The following TMEM59L variants were observed in gnomAD, a reference collection of about 807,000 sequenced individuals.
TMEM59L encodes the protein transmembrane protein 59-like.
Under a neutral mutation model 39.6 loss-of-function variants are expected in TMEM59L, and 31 were observed. That is an observed-to-expected ratio of 0.78 (90% CI 0.59 to 1.06). The LOEUF (loss-of-function observed/expected upper bound fraction) is 1.06, where lower values mean the gene tolerates loss of function less well. Among genes scored for constraint, TMEM59L ranks in the 50% least tolerant of loss-of-function variants. TMEM59L has a pLI of 0.00. For synonymous variants in TMEM59L, 219 were observed against 202.9 expected (o/e 1.08, Z -0.68); for missense variants, 441 against 451.3 (o/e 0.98, Z 0.21).
In TMEM59L at chr19:18,614,207, A is replaced by C; in HGVS notation, c.408+12A>C. 2 of 1,580,598 alleles carry C rather than the reference A, an allele frequency of 1.3e-6. No homozygotes were observed. The highest frequency in any genetic ancestry group is 1.7e-6 in the Non-Finnish European group (2 of 1,166,426). ...AGCCGGAGCAGAAGGTGGGCCTCCC[A>C]CTGCGGCCTGGGGTCCCTTTTCCCA... On this transcript the variant is annotated intron_variant, in intron 3 of 7. Transcript: ENST00000262817.
chr19:18,616,842 G>A (rs1242098617), intron 4 of TMEM59L, among the ~76,000 whole-genome samples, 158 bp from the exon 5 acceptor site: 1 of 152,212 alleles, frequency 6.6e-6, no homozygotes, highest in Non-Finnish European at 1.5e-5. Context: ...AGGAGCCCAT[G>A]AAAGCAGAAA....
chr19:18,618,524 A>T lies in TMEM59L; in HGVS notation c.900+32A>T, dbSNP rs964146212. 5.1e-6 allele frequency: 8 copies of T among 1,581,430 alleles called. No individual in the cohort carries two copies. The Admixed American group carries it at 1.1e-4, about 21-fold the overall frequency. On this transcript the variant is annotated intron_variant, in intron 7 of 7. Transcript: ENST00000262817. The stretch of plus-strand genomic sequence containing the variant: ...GGGATCTGTGAATGGCGCTGGGCCG[A>T]GGGAGGGGGTGAAGGCAGAGAGAGC...
At chr19:18,615,477 TC>T (rs935415493) in intron 3 of TMEM59L, among the ~76,000 whole-genome samples, 4 of 152,318 alleles carry the variant, frequency 2.6e-5, no homozygotes, top group Non-Finnish European at 5.9e-5. Context: ...ACAATCCACT[TC>T]CCTAAGGGTA....
At chr19:18,617,603 C>T (rs145078020) in intron 5 of TMEM59L, 8 of 456,444 alleles carry the variant, frequency 1.8e-5, no homozygotes, top group African/African-American at 6.0e-5. Flanking sequence ...TCCTAGGGTC[C>T]ATCTCCAAGG....
intron 7 of TMEM59L, among the ~76,000 whole-genome samples, chr19:18,619,218 G>T (rs1306517217): frequency 2.0e-5 from 3 of 152,128 alleles, no homozygotes; most frequent in Non-Finnish European, 4.4e-5. Context: ...GAACTCCTGG[G>T]CTCAAGTGAT....
chr19:18,619,459 C>T (rs1976469573), intron 7 of TMEM59L, among the ~76,000 whole-genome samples: 1 of 152,168 alleles, frequency 6.6e-6, no homozygotes, highest in Non-Finnish European at 1.5e-5. Flanking sequence ...CTCTGTGGTG[C>T]CCAGAGCCTG....
rs905445921 is a variant in TMEM59L, at chr19:18,616,934, G to A, written c.562-66G>A. The A allele has an allele frequency of 3.9e-6, 5 of 1,266,110 alleles. No individual in the cohort carries two copies. In the African/African-American group the frequency reaches 4.4e-5, roughly 11 times the overall value. 78.4% of individuals were successfully genotyped at this position (1,266,110 alleles called of 1,614,324 possible). A position where few individuals can be genotyped will look rare whatever the true frequency, so the allele number is the denominator to read the frequency against. On this transcript the variant is annotated intron_variant, in intron 4 of 7. Coordinates refer to ENST00000262817, the MANE Select transcript of TMEM59L (RefSeq NM_012109.3). Reference sequence around the variant, plus strand: ...GGGCGTGGGACATGGCAGTCACAGAGGGCCTGCCTGGGCCCAGGGGTGCTG... The same window carrying A: ...GGGCGTGGGACATGGCAGTCACAGAAGGCCTGCCTGGGCCCAGGGGTGCTG...
chr19:18,617,016 A>C lies in TMEM59L; in HGVS notation c.578A>C (p.Glu193Ala). The C allele has an allele frequency of 1.2e-6, 2 of 1,611,558 alleles. No homozygotes were observed. The highest frequency in any genetic ancestry group is 1.7e-6 in the Non-Finnish European group (2 of 1,178,848). The change falls in exon 5 of 8, where the codon GAG (glutamate) becomes GCG (alanine). Residue 193 changes from glutamate (E) to alanine (A), a missense_variant. Coordinates refer to ENST00000262817, the MANE Select transcript of TMEM59L (RefSeq NM_012109.3). ...CTGGCCCAGACTCAGCCCATAGTGG[A>C]GAGCCTCGGCTTCCAGGGGGGCCGT... ...VVVFQTQPIV[E>A]SLGFQGGRLQ...
chr19:18,619,916 T>C (rs1976475493), intron 7 of TMEM59L, among the ~76,000 whole-genome samples: 1 of 151,122 alleles, frequency 6.6e-6, no homozygotes, highest in Non-Finnish European at 1.5e-5. Context: ...AGTTCGAAGC[T>C]GCAGTGAGCT....
At chr19:18,619,973 T>A (rs1600668271) in intron 7 of TMEM59L, among the ~76,000 whole-genome samples, 2 of 116,808 alleles carry the variant, frequency 1.7e-5, no homozygotes, top group Admixed American at 8.9e-5. Context: ...GAAGACCCCA[T>A]CACACACACA....
In TMEM59L at chr19:18,614,878, C is replaced by A. The variant is rs188457649; in HGVS notation, c.408+683C>A. Among the ~76,000 whole-genome samples the A allele has an allele frequency of 8.7e-4, 133 of 152,332 alleles. 2 individuals are homozygous for A. Among genetic ancestry groups the A allele is most frequent in the African/African-American group, 3.0e-3 (125 of 41,570 alleles). The stretch of plus-strand genomic sequence containing the variant: ...CTAGGGGCTGGGACTCCCCAGAAAG[C>A]CCTTTCCCCACTTCCCCCATTTTCC... On this transcript the variant is annotated intron_variant, in intron 3 of 7. Transcript: ENST00000262817.
rs533461655 is a variant in TMEM59L, at chr19:18,618,380, C to T, written c.788C>T (p.Ser263Leu). The T allele has an allele frequency of 7.7e-5, 123 of 1,604,774 alleles. 1 individual carries two copies. In the South Asian group the frequency reaches 1.1e-3, roughly 14 times the overall value. ...GTGCCTGCCGGGCGGGGCAGGCGCT[C>T]GGGTCTGCCTCGCTGGATCCTGGCC... ...NDFLSCMSRR[S>L]GLPRWILACC... Residue 263 changes from serine (S) to leucine (L), a missense_variant, in exon 7 of 8, where the codon TCG becomes TTG. Coordinates refer to ENST00000262817, the MANE Select transcript of TMEM59L (RefSeq NM_012109.3).
Position 18,620,482 on chromosome 19 carries a change from C to G in TMEM59L, c.975C>G (p.Ala325=), listed in dbSNP as rs1334622588. The change falls in exon 8 of 8, where the codon GCC becomes GCG. Residue 325 remains alanine, a synonymous_variant. Transcript: ENST00000262817. ...DWPLYPPPSH[A]CEDSLPPYKL... is the part of the protein sequence containing the mutation. ...CCCTGTACCCGCCGCCGTCCCACGC[C>G]TGTGAGGACAGCCTACCACCCTACA... The G allele has an allele frequency of 7.4e-6, 12 of 1,613,870 alleles. No individual in the cohort carries two copies. Among genetic ancestry groups the G allele is most frequent in the Non-Finnish European group, 1.0e-5 (12 of 1,179,996 alleles).
At chr19:18,620,315 AT>A (rs1460435674) in intron 7 of TMEM59L, 92 bp from the exon 8 acceptor site, 7 of 1,324,784 alleles carry the variant, frequency 5.3e-6, no homozygotes, top group African/African-American at 1.5e-5. Flanking sequence ...AAGAAAAAAA[AT>A]AAAACAATCA....
intron 5 of TMEM59L, 41 bp downstream of exon 5, chr19:18,617,143 C>T: frequency 1.3e-6 from 2 of 1,496,664 alleles, no homozygotes; most frequent in Non-Finnish European, 1.9e-6. Flanking sequence ...CATGGGTGGC[C>T]CCACTGCCAC....
intron 4 of TMEM59L, among the ~76,000 whole-genome samples, chr19:18,616,707 A>G (rs1348072906): frequency 6.6e-6 from 1 of 152,122 alleles, no homozygotes; most frequent in Non-Finnish European, 1.5e-5. Flanking sequence ...TGGGGTTTTA[A>G]CTGAGCTGGG....
At chr19:18,613,478 A>G (rs1371041380) in intron 1 of TMEM59L, among the ~76,000 whole-genome samples, 1 of 114,674 alleles carries the variant, frequency 8.7e-6, no homozygotes. Context: ...TTCCCTCCCC[A>G]CTCAGAGCTA....
At chr19:18,619,875 A>T (rs1002975242) in intron 7 of TMEM59L, among the ~76,000 whole-genome samples, 11 of 151,582 alleles carry the variant, frequency 7.3e-5, no homozygotes, top group African/African-American at 2.7e-4. Context: ...CTACTTAGGA[A>T]GCTGAGGTGG....
chr19:18,618,646 CGTGTGTGT>C (rs10580494), intron 7 of TMEM59L, among the ~76,000 whole-genome samples, 154 bp downstream of exon 7: 2,719 of 125,280 alleles, frequency 0.022, 35 homozygotes, highest in South Asian at 0.052. Flanking sequence ...TATACATATA[CGTGTGTGT>C]GTGTGTGTGT....
Sources: allele counts gnomAD v4.1 joint callset (sites outside exome capture counted in the v4.1 genomes callset), GRCh38; gene constraint gnomAD v4.1.1; transcripts MANE v1.5; gene names NCBI Gene and HGNC (gene_info 2026-07-23, HGNC 2026-07-21).